The following TDRD3 variants were observed in gnomAD, a reference collection of about 807,000 sequenced individuals.
TDRD3 encodes the protein tudor domain-containing protein 3.
A neutral mutation model predicts 86.7 loss-of-function variants in TDRD3; 45 were observed. The ratio of observed to expected loss-of-function variants is 0.52; its 90% CI spans 0.41 to 0.67. The LOEUF is 0.67. Among genes scored for constraint, TDRD3 ranks in the 30% least tolerant of loss-of-function variants. TDRD3 has a pLI of 0.00. For missense variants in TDRD3, 814 were observed against 889.0 expected, an observed-to-expected ratio of 0.92 and a Z score of 1.07; for synonymous variants, 298 against 301.7, an observed-to-expected ratio of 0.99 and a Z score of 0.13.
chr13:60,551,584 C>T (rs1457953847), intron 12 of TDRD3, among the ~76,000 whole-genome samples: 1 of 152,180 alleles, frequency 6.6e-6, no homozygotes, highest in African/African-American at 2.4e-5. Flanking sequence ...TGCTTCTTTG[C>T]ACTACCCTTT....
intron 1 of TDRD3, among the ~76,000 whole-genome samples, chr13:60,398,237 T>C (rs1264746515): frequency 2.0e-5 from 3 of 152,138 alleles, no homozygotes; most frequent in Admixed American, 1.3e-4. Flanking sequence ...GGAACGGGGA[T>C]GAAAAAGATT....
intron 5 of TDRD3, among the ~76,000 whole-genome samples, chr13:60,472,200 A>G (rs1956088565): frequency 6.6e-6 from 1 of 152,082 alleles, no homozygotes; most frequent in Non-Finnish European, 1.5e-5. Flanking sequence ...GCATTCTTGT[A>G]TTTTGGGAAT....
At position 60,528,777 on chromosome 13, in the gene TDRD3, G is replaced by A. The variant is rs1957511928; in HGVS notation, c.1552G>A (p.Glu518Lys). 1 of 1,613,642 alleles carries A rather than the reference G, an allele frequency of 6.2e-7. No individual in the cohort carries two copies. Among genetic ancestry groups the A allele is most frequent in the Non-Finnish European group, 8.5e-7 (1 of 1,179,882 alleles). ...AGGTCCCTCCTTTGCAGAGGCAAAA[G>A]AAAATCCACTTCCTCAAGGATCTGT... ...GKGPSFAEAK[E>K]NPLPQGSVDY... The change falls in exon 11 of 14, where the codon GAA becomes AAA. Residue 518 changes from glutamate to lysine, a missense_variant. By Grantham distance (56) the Glu-to-Lys change is moderately conservative. Transcript: ENST00000377881.
intron 12 of TDRD3, among the ~76,000 whole-genome samples, chr13:60,558,277 A>G (rs1958247750): frequency 6.6e-6 from 1 of 152,236 alleles, no homozygotes; most frequent in African/African-American, 2.4e-5. Context: ...CAGAGAAAGA[A>G]TTCGTTAACT....
At chr13:60,451,499 C>T (rs551026058) in intron 3 of TDRD3, among the ~76,000 whole-genome samples, 15 of 152,282 alleles carry the variant, frequency 9.9e-5, no homozygotes, top group Middle Eastern at 3.4e-3. Flanking sequence ...CTCCAGTTGA[C>T]GGTTGTGGTT....
chr13:60,498,238 G>A (rs1426447930), intron 8 of TDRD3, among the ~76,000 whole-genome samples: 1 of 152,100 alleles, frequency 6.6e-6, no homozygotes, highest in African/African-American at 2.4e-5. Flanking sequence ...GGCAGCACAG[G>A]CATCTTTGAA....
At chr13:60,413,975 A>G (rs542029540) in intron 1 of TDRD3, among the ~76,000 whole-genome samples, 2 of 152,292 alleles carry the variant, frequency 1.3e-5, no homozygotes, top group South Asian at 4.1e-4. Context: ...CAGTCTCTTA[A>G]TATGGACATG....
chr13:60,405,220 C>T (rs1010193697), intron 1 of TDRD3, among the ~76,000 whole-genome samples: 4 of 152,122 alleles, frequency 2.6e-5, no homozygotes, highest in Admixed American at 6.5e-5. Flanking sequence ...CTACCTGTCC[C>T]GGCCTCCCAG....
At chr13:60,455,058 C>T (rs916098501) in intron 3 of TDRD3, among the ~76,000 whole-genome samples, 8 of 151,868 alleles carry the variant, frequency 5.3e-5, no homozygotes, top group Non-Finnish European at 1.0e-4. Flanking sequence ...GGATTACAGG[C>T]GCCTGCCACC....
intron 2 of TDRD3, among the ~76,000 whole-genome samples, chr13:60,440,420 C>A (rs955368210): frequency 8.6e-5 from 13 of 151,896 alleles, no homozygotes; most frequent in Non-Finnish European, 1.6e-4. Context: ...TGGTGGCCCA[C>A]GCCTGTAATC....
chr13:60,553,705 A>G (rs1056414869), intron 12 of TDRD3, among the ~76,000 whole-genome samples: 7 of 152,144 alleles, frequency 4.6e-5, no homozygotes, highest in Admixed American at 1.3e-4. Flanking sequence ...TGCTAAAACC[A>G]TCAGCTCTCA....
intron 1 of TDRD3, among the ~76,000 whole-genome samples, chr13:60,430,865 A>G (rs1954939117): frequency 6.6e-6 from 1 of 152,112 alleles, no homozygotes; most frequent in Non-Finnish European, 1.5e-5. Context: ...CTATCTCACG[A>G]TCATTTTAAA....
chr13:60,560,078 GA>G (rs2137951664), intron 12 of TDRD3, among the ~76,000 whole-genome samples: 1 of 152,110 alleles, frequency 6.6e-6, no homozygotes, highest in East Asian at 1.9e-4. Context: ...ATTGACTGTA[GA>G]AAAAAGTTCC....
chr13:60,555,346 G>A (rs1243809105), intron 12 of TDRD3, among the ~76,000 whole-genome samples: 2 of 152,152 alleles, frequency 1.3e-5, no homozygotes, highest in Non-Finnish European at 2.9e-5. Flanking sequence ...GATTACCATT[G>A]GAATGCTTAT....
At chr13:60,453,603 A>G (rs557164095) in intron 3 of TDRD3, among the ~76,000 whole-genome samples, 1 of 152,206 alleles carries the variant, frequency 6.6e-6, no homozygotes, top group Non-Finnish European at 1.5e-5. Flanking sequence ...GGTTCTTGAC[A>G]AAGTTAAGCA....
chr13:60,395,989 A>G (rs7323171), upstream of TDRD3, among the ~76,000 whole-genome samples: 4,124 of 152,252 alleles, frequency 0.027, 185 homozygotes, highest in African/African-American at 0.09. Context: ...GACTTTTGGG[A>G]AGACCAAACG....
At chr13:60,442,424 T>C (rs1201074161) in intron 2 of TDRD3, among the ~76,000 whole-genome samples, 4 of 151,844 alleles carry the variant, frequency 2.6e-5, no homozygotes, top group Admixed American at 2.6e-4. Flanking sequence ...TGTGCGTGGG[T>C]AGGTAGATGC....
At chr13:60,431,133 T>C (rs889539718) in intron 1 of TDRD3, among the ~76,000 whole-genome samples, 1 of 152,076 alleles carries the variant, frequency 6.6e-6, no homozygotes, top group East Asian at 1.9e-4. Context: ...GTGATCTTTA[T>C]ATCAAACACA....
At chr13:60,556,306 A>G (rs946076630) in intron 12 of TDRD3, among the ~76,000 whole-genome samples, 6 of 152,186 alleles carry the variant, frequency 3.9e-5, no homozygotes, top group African/African-American at 1.4e-4. Context: ...GTAGTCTTCT[A>G]ACTTCCACTC....
Sources: gnomAD v4.1 joint callset for allele counts (sites outside exome capture counted in the v4.1 genomes callset) on GRCh38, gnomAD v4.1.1 for gene constraint, MANE v1.5 for transcripts, NCBI Gene and HGNC (gene_info 2026-07-23, HGNC 2026-07-21) for gene names.